Variants in IL1RAPL1 observed in about 807,000 individuals in gnomAD.
IL1RAPL1 encodes interleukin 1 receptor accessory protein like 1.
Under a neutral mutation model 48.4 loss-of-function variants are expected in IL1RAPL1, and 3 were observed. The ratio of observed to expected loss-of-function variants is 0.06; its 90% CI spans 0.03 to 0.16. IL1RAPL1 has a LOEUF of 0.16. IL1RAPL1 is among the 10% of genes least tolerant of loss of function. The probability of loss-of-function intolerance (pLI) is 1.00; values close to 1 mark genes in which losing one functional copy is unlikely to be tolerated. For synonymous variants in IL1RAPL1, 185 were observed against 187.7 expected, an observed-to-expected ratio of 0.99 and a Z score of 0.12; for missense variants, 349 against 530.6, an observed-to-expected ratio of 0.66 and a Z score of 3.36.
intron 3 of IL1RAPL1, among the ~76,000 whole-genome samples, chrX:29,321,983 G>T (rs771939432): frequency 9.3e-6 from 1 of 107,338 alleles, no homozygotes; most frequent in Non-Finnish European, 1.9e-5. Flanking sequence ...ATGAAACTTC[G>T]TTCTTATAAT....
Position 28,587,922 on chromosome X carries a change from T to C in IL1RAPL1, c.-150T>C, listed in dbSNP as rs1039320506. On this transcript the variant is annotated 5_prime_UTR_variant, in exon 1 of 11. Coordinates refer to ENST00000378993, the MANE Select transcript of IL1RAPL1 (RefSeq NM_014271.4). ...TGGGAATCTTGTTCACAATATTAAT[T>C]GCTAGCAAAAACAAGAAAAAGAACA... The C allele has an allele frequency of 9.0e-6, 1 of 111,680 alleles. No homozygotes were observed. Among genetic ancestry groups the C allele is most frequent in the Non-Finnish European group, 1.9e-5 (1 of 53,183 alleles). 9.2% of individuals were successfully genotyped at this position (111,680 alleles called of 1,213,427 possible). A position where few individuals can be genotyped will look rare whatever the true frequency, so the allele number is the denominator to read the frequency against.
intron 6 of IL1RAPL1, among the ~76,000 whole-genome samples, chrX:29,903,636 G>A (rs1932546059): frequency 8.9e-6 from 1 of 111,870 alleles, no homozygotes; most frequent in Non-Finnish European, 1.9e-5. Flanking sequence ...TTAGAACTGT[G>A]CTCCACTTAG....
intron 6 of IL1RAPL1, among the ~76,000 whole-genome samples, chrX:29,855,785 T>G (rs758184984): frequency 6.6e-4 from 73 of 110,304 alleles, no homozygotes; most frequent in South Asian, 3.9e-3. Context: ...ATCTACCATA[T>G]TCACCTATGC....
intron 2 of IL1RAPL1, among the ~76,000 whole-genome samples, chrX:29,022,425 T>G (rs1402351232): frequency 2.7e-5 from 3 of 111,979 alleles, no homozygotes; most frequent in Non-Finnish European, 5.6e-5. Flanking sequence ...GAGAGATTGC[T>G]TCCATTCAAG....
At chrX:28,758,518 T>C (rs1214446509) in intron 1 of IL1RAPL1, among the ~76,000 whole-genome samples, 1 of 110,898 alleles carries the variant, frequency 9.0e-6, no homozygotes, top group Non-Finnish European at 1.9e-5. Context: ...ATCAAAGGTA[T>C]TCAGTTCTCA....
chrX:29,445,862 C>G (rs1934605769), intron 5 of IL1RAPL1, among the ~76,000 whole-genome samples: 1 of 111,886 alleles, frequency 8.9e-6, no homozygotes, highest in Admixed American at 9.5e-5. Flanking sequence ...GATAAACACT[C>G]CTTTGACTTA....
intron 2 of IL1RAPL1, among the ~76,000 whole-genome samples, chrX:28,976,922 C>T (rs867658881): frequency 3.6e-5 from 4 of 112,351 alleles, no homozygotes; most frequent in African/African-American, 6.5e-5. Context: ...AAGAATACAA[C>T]TCTGCTCTTT....
intron 2 of IL1RAPL1, among the ~76,000 whole-genome samples, chrX:29,025,306 G>A (rs1926460262): frequency 8.9e-6 from 1 of 111,794 alleles, no homozygotes; most frequent in African/African-American, 3.2e-5. Flanking sequence ...TTTCTTGGGC[G>A]TGTAACTAGG....
At chrX:29,498,517 A>G (rs1935238330) in intron 5 of IL1RAPL1, among the ~76,000 whole-genome samples, 1 of 110,252 alleles carries the variant, frequency 9.1e-6, no homozygotes, top group South Asian at 3.8e-4. Context: ...ATTCTTAATG[A>G]ATTCATTCAT....
chrX:29,861,280 T>C (rs1931577421), intron 6 of IL1RAPL1, among the ~76,000 whole-genome samples: 1 of 111,545 alleles, frequency 9.0e-6, no homozygotes, highest in Non-Finnish European at 1.9e-5. Flanking sequence ...ATTTGAATCA[T>C]CCATGGGAGC....
chrX:28,718,531 A>G (rs1935531922), intron 1 of IL1RAPL1, among the ~76,000 whole-genome samples: 1 of 111,690 alleles, frequency 9.0e-6, no homozygotes, highest in Admixed American at 9.6e-5. Flanking sequence ...TGACACATCC[A>G]TACATGAAAC....
At chrX:29,434,854 A>C (rs893641297) in intron 5 of IL1RAPL1, among the ~76,000 whole-genome samples, 4 of 111,201 alleles carry the variant, frequency 3.6e-5, no homozygotes, top group African/African-American at 9.7e-5. Flanking sequence ...TAGCCATTTT[A>C]AAGTGTACAA....
At chrX:29,398,553 A>G (rs1165333217) in intron 4 of IL1RAPL1, among the ~76,000 whole-genome samples, 1 of 112,138 alleles carries the variant, frequency 8.9e-6, no homozygotes, top group Admixed American at 9.5e-5. Flanking sequence ...GACCTTGCAT[A>G]TAAATGTTGA....
At chrX:29,396,474 T>C (rs373441053) in intron 4 of IL1RAPL1, 30 bp downstream of exon 4, 131 of 1,141,179 alleles carry the variant, frequency 1.1e-4, no homozygotes, top group Non-Finnish European at 1.5e-4. Flanking sequence ...CTATTTCCTA[T>C]TAACAAATTA....
At chrX:28,589,061 G>T (rs778855293) in intron 1 of IL1RAPL1, among the ~76,000 whole-genome samples, 12 of 111,767 alleles carry the variant, frequency 1.1e-4, no homozygotes, top group Non-Finnish European at 1.7e-4. Flanking sequence ...ATGGGATAAA[G>T]AAATCAATAT....
chrX:29,436,645 G>C (rs1934485230), intron 5 of IL1RAPL1, among the ~76,000 whole-genome samples: 1 of 109,592 alleles, frequency 9.1e-6, no homozygotes, highest in Admixed American at 9.8e-5. Flanking sequence ...ACTTGAGAAA[G>C]AGAGTCAATC....
At chrX:29,190,481 A>C (rs1930331748) in intron 2 of IL1RAPL1, among the ~76,000 whole-genome samples, 1 of 112,206 alleles carries the variant, frequency 8.9e-6, no homozygotes, top group African/African-American at 3.2e-5. Flanking sequence ...GATTAGTCAA[A>C]GTTGTTGTGA....
chrX:28,703,369 TTGA>T (rs753746879), intron 1 of IL1RAPL1, among the ~76,000 whole-genome samples: 1 of 111,568 alleles, frequency 9.0e-6, no homozygotes, highest in Non-Finnish European at 1.9e-5. Flanking sequence ...TAGATGATTA[TTGA>T]TGATGATGAT....
intron 1 of IL1RAPL1, among the ~76,000 whole-genome samples, chrX:28,784,397 C>T (rs1936454074): frequency 9.0e-6 from 1 of 111,282 alleles, no homozygotes; most frequent in African/African-American, 3.3e-5. Context: ...TACATACAAG[C>T]CAGGAGTGGA....
Sources: gnomAD v4.1 joint callset for allele counts (sites outside exome capture counted in the v4.1 genomes callset) on GRCh38, gnomAD v4.1.1 for gene constraint, MANE v1.5 for transcripts, NCBI Gene and HGNC (gene_info 2026-07-23, HGNC 2026-07-21) for gene names.